RBFOX1: variants seen among roughly 807,000 people sequenced by gnomAD.
The protein encoded by RBFOX1 is RNA binding fox-1 homolog 1.
Under a neutral mutation model 57.7 loss-of-function variants are expected in RBFOX1, and 8 were observed. The ratio of observed to expected loss-of-function variants is 0.14; its 90% CI spans 0.08 to 0.25. The LOEUF is 0.25. Among genes scored for constraint, RBFOX1 ranks in the 10% least tolerant of loss-of-function variants. RBFOX1 has a pLI of 1.00. For synonymous variants in RBFOX1, 326 were observed against 222.4 expected, an observed-to-expected ratio of 1.47 and a Z score of -4.15; for missense variants, 611 against 548.5, an observed-to-expected ratio of 1.11 and a Z score of -1.14.
chr16:7,404,416 C>G (rs952041842), intron 4 of RBFOX1, among the ~76,000 whole-genome samples: 2 of 152,168 alleles, frequency 1.3e-5, no homozygotes, highest in African/African-American at 4.8e-5. Flanking sequence ...GGCCTCCAAG[C>G]TTCTGACATC....
chr16:7,020,975 A>G (rs2038846481), intron 3 of RBFOX1, among the ~76,000 whole-genome samples: 1 of 152,116 alleles, frequency 6.6e-6, no homozygotes, highest in Admixed American at 6.5e-5. Flanking sequence ...TAAAAATACA[A>G]AAATTAGTTG....
chr16:7,332,093 A>G (rs954537563), intron 4 of RBFOX1, among the ~76,000 whole-genome samples: 3 of 152,238 alleles, frequency 2.0e-5, no homozygotes, highest in African/African-American at 7.2e-5. Context: ...AGGCATAGAA[A>G]ATGTTATTAC....
intron 2 of RBFOX1, among the ~76,000 whole-genome samples, chr16:6,391,841 G>A (rs1015651146): frequency 1.3e-5 from 2 of 152,182 alleles, no homozygotes; most frequent in Admixed American, 6.5e-5. Context: ...ACTGAAGTAA[G>A]GGAAAACAAA....
chr16:6,671,992 G>A (rs1016543435), intron 3 of RBFOX1, among the ~76,000 whole-genome samples: 3 of 152,164 alleles, frequency 2.0e-5, no homozygotes, highest in African/African-American at 4.8e-5. Flanking sequence ...ATTTTAAATG[G>A]CTTGGTCATA....
intron 3 of RBFOX1, among the ~76,000 whole-genome samples, chr16:7,011,481 G>T (rs1427099158): frequency 4.0e-5 from 6 of 151,886 alleles, no homozygotes; most frequent in African/African-American, 1.5e-4. Flanking sequence ...TGTTGTGTGT[G>T]TTTGTTTGTT....
chr16:6,694,721 C>T (rs969221797), intron 3 of RBFOX1, among the ~76,000 whole-genome samples: 2 of 152,286 alleles, frequency 1.3e-5, no homozygotes, highest in Non-Finnish European at 1.5e-5. Flanking sequence ...CTCCCAGCAA[C>T]TCCATTGGTA....
intron 2 of RBFOX1, among the ~76,000 whole-genome samples, chr16:6,474,451 G>C (rs1322370884): frequency 6.6e-6 from 1 of 152,218 alleles, no homozygotes; most frequent in East Asian, 1.9e-4. Flanking sequence ...TGCAGAAGCT[G>C]TTGTTCAGGT....
intron 2 of RBFOX1, among the ~76,000 whole-genome samples, chr16:6,357,867 C>T (rs1354903427): frequency 6.6e-6 from 1 of 151,188 alleles, no homozygotes; most frequent in African/African-American, 2.4e-5. Flanking sequence ...AGGAGAATTG[C>T]TTGAACCCTG....
chr16:7,158,977 C>T (rs1029306607), intron 4 of RBFOX1, among the ~76,000 whole-genome samples: 1 of 152,050 alleles, frequency 6.6e-6, no homozygotes, highest in East Asian at 1.9e-4. Context: ...TACAACAGTT[C>T]CATCACCACA....
intron 2 of RBFOX1, among the ~76,000 whole-genome samples, chr16:5,493,246 A>C (rs2042893090): frequency 6.6e-6 from 1 of 152,128 alleles, no homozygotes; most frequent in Non-Finnish European, 1.5e-5. Flanking sequence ...ATTATTTCTT[A>C]CATTTTGTAG....
chr16:6,989,680 G>A (rs888789592), intron 3 of RBFOX1, among the ~76,000 whole-genome samples: 2 of 152,106 alleles, frequency 1.3e-5, no homozygotes, highest in African/African-American at 4.8e-5. Flanking sequence ...TGGAACAGAG[G>A]TGTTGATGGA....
At chr16:5,674,008 G>A (rs543296391) in intron 3 of RBFOX1, among the ~76,000 whole-genome samples, 1 of 152,272 alleles carries the variant, frequency 6.6e-6, no homozygotes, top group East Asian at 1.9e-4. Context: ...TGTGTGACAG[G>A]GACTATGCCA....
intron 2 of RBFOX1, among the ~76,000 whole-genome samples, chr16:5,565,236 C>T (rs2046022186): frequency 6.6e-6 from 1 of 152,130 alleles, no homozygotes; most frequent in Non-Finnish European, 1.5e-5. Context: ...CATGATATTC[C>T]AGATTTCAGA....
At chr16:7,383,367 C>CA (rs556566617) in intron 4 of RBFOX1, among the ~76,000 whole-genome samples, 1 of 151,048 alleles carries the variant, frequency 6.6e-6, no homozygotes, top group Non-Finnish European at 1.5e-5. Context: ...GAGGCAAAAA[C>CA]AAAAAAAGCA....
chr16:5,888,179 C>T (rs945764652), intron 4 of RBFOX1, among the ~76,000 whole-genome samples: 1 of 152,120 alleles, frequency 6.6e-6, no homozygotes, highest in Non-Finnish European at 1.5e-5. Flanking sequence ...TTCCTCCTGC[C>T]CCAGCGCCTT....
chr16:6,565,062 C>T (rs966002878), intron 2 of RBFOX1, among the ~76,000 whole-genome samples: 6 of 138,496 alleles, frequency 4.3e-5, no homozygotes, highest in Non-Finnish European at 7.5e-5. Context: ...ACCCAGGAGA[C>T]AGAGGTTGTA....
At chr16:6,174,709 C>G (rs2096990141) in intron 1 of RBFOX1, among the ~76,000 whole-genome samples, 1 of 152,186 alleles carries the variant, frequency 6.6e-6, no homozygotes, top group African/African-American at 2.4e-5. Context: ...CTTTTCAAGA[C>G]ATGATTTGGA....
At chr16:6,075,049 G>T (rs1235442187) in intron 1 of RBFOX1, among the ~76,000 whole-genome samples, 3 of 152,202 alleles carry the variant, frequency 2.0e-5, no homozygotes, top group African/African-American at 4.8e-5. Flanking sequence ...AGAACAGAGA[G>T]GGGGTTCTTT....
intron 4 of RBFOX1, among the ~76,000 whole-genome samples, chr16:7,380,518 G>A (rs556126757): frequency 6.6e-6 from 1 of 152,216 alleles, no homozygotes; most frequent in South Asian, 2.1e-4. Context: ...TCATCTTTCA[G>A]TGTACTGTAA....
Sources: allele counts gnomAD v4.1 joint callset (sites outside exome capture counted in the v4.1 genomes callset), GRCh38; gene constraint gnomAD v4.1.1; transcripts MANE v1.5; gene names NCBI Gene and HGNC (gene_info 2026-07-23, HGNC 2026-07-21).